Variants in NFIX observed in about 807,000 individuals in gnomAD.
NFIX encodes nuclear factor 1 X-type.
A neutral mutation model predicts 53.3 loss-of-function variants in NFIX; 2 were observed. The observed-to-expected ratio is 0.04, with a 90% CI of 0.02 to 0.12. The LOEUF (loss-of-function observed/expected upper bound fraction) is 0.12, where lower values mean the gene tolerates loss of function less well. NFIX is among the 10% of genes least tolerant of loss of function. NFIX has a pLI of 1.00. For missense variants in NFIX, 310 were observed against 674.5 expected (o/e 0.46, Z 5.99); for synonymous variants, 244 against 289.0 (o/e 0.84, Z 1.58).
rs2014812003 is a variant in NFIX at position 13,043,956 on chromosome 19, A to G, written c.559+18404A>G. 6.6e-6 allele frequency among the ~76,000 whole-genome samples: 1 copy of G among 152,122 alleles called. No individual in the cohort carries two copies. The highest frequency in any genetic ancestry group is 2.4e-5 in the African/African-American group (1 of 41,398). On this transcript the variant is annotated intron_variant, in intron 2 of 10. Coordinates refer to ENST00000592199, the MANE Select transcript of NFIX (RefSeq NM_001365902.3). This position sits in a 1 kb window ranked among gnomAD's most constrained non-coding sequence, Gnocchi z 4.0. The stretch of plus-strand genomic sequence containing the variant: ...GCCACGTAGCAAGACCCCCATCTCT[A>G]TAAAATAAAATTTAAAAAAAAAGAA...
intron 1 of NFIX, chr19:13,024,477 G>C: frequency 6.8e-7 from 1 of 1,476,928 alleles, no homozygotes; most frequent in Non-Finnish European, 9.0e-7. Flanking sequence ...GCTTGCTCGT[G>C]GATGTCATTT....
At position 13,088,485 on chromosome 19, in the gene NFIX, T is replaced by G. The variant is rs2017929772; in HGVS notation, c.1402+349T>G. On this transcript the variant is annotated intron_variant, in intron 9 of 10. Transcript: ENST00000592199. This position sits in a 1 kb window ranked among gnomAD's most constrained non-coding sequence, Gnocchi z 5.9. ...CAGCCATGCCATCTTCATGCCTGAT[T>G]GCTGTTTTTTTTTTTTTGTTTTTTG... Among the ~76,000 whole-genome samples, 1 of 150,008 alleles carries G rather than the reference T, an allele frequency of 6.7e-6. No homozygotes were observed. Among genetic ancestry groups the G allele is most frequent in the Non-Finnish European group, 1.5e-5 (1 of 67,644 alleles).
chr19:13,027,720 C>G lies in NFIX; in HGVS notation c.559+2168C>G, dbSNP rs558421734. Among the ~76,000 whole-genome samples, 24 of 152,264 alleles carry G rather than the reference C, an allele frequency of 1.6e-4. No individual in the cohort carries two copies. In the South Asian group the frequency reaches 3.9e-3, roughly 25 times the overall value. ...GTGAGGAAGCAGACCGTTTCCTGGC[C>G]AGAAGAAAGGCCCCACCATGCCTCC... On this transcript the variant is annotated intron_variant, in intron 2 of 10. Transcript: ENST00000592199. This position sits in a 1 kb window ranked among gnomAD's most constrained non-coding sequence, Gnocchi z 4.3.
intron 8 of NFIX, among the ~76,000 whole-genome samples, chr19:13,087,269 A>C (rs2017834922): frequency 6.6e-6 from 1 of 152,208 alleles, no homozygotes. Context: ...AGGACAAGGA[A>C]TGCATCCTGG....
In NFIX at chr19:13,009,144, GTC is replaced by G. The variant is rs2145149218; in HGVS notation, c.27+13283_27+13284del. On this transcript the variant is annotated intron_variant, in intron 1 of 10. Transcript: ENST00000592199. The surrounding 1 kb of genome is among the most constrained non-coding windows in gnomAD (Gnocchi z 4.7). ...CGGCACAATCTGTCGTCCACGCACA[GTC>G]TCACACACAACCTGTCACACACGCA... 6.6e-6 allele frequency among the ~76,000 whole-genome samples: 1 copy of G among 152,278 alleles called. No individual in the cohort carries two copies. Among genetic ancestry groups the G allele is most frequent in the East Asian group, 1.9e-4 (1 of 5,176 alleles).
intron 2 of NFIX, among the ~76,000 whole-genome samples, chr19:13,035,534 CAGCATGAGACACGG>C (rs1250344489): frequency 1.1e-4 from 17 of 152,174 alleles, no homozygotes; most frequent in African/African-American, 4.1e-4. Context: ...TTTGTTTCTG[CAGCATGAGACACGG>C]AGACCAGAAC....
intron 1 of NFIX, among the ~76,000 whole-genome samples, chr19:13,016,376 C>G (rs1443134928): frequency 6.6e-6 from 1 of 152,148 alleles, no homozygotes; most frequent in Admixed American, 6.5e-5. Context: ...TGCCTGAAAA[C>G]TGCCTACAGA....
At chr19:12,999,457 C>T (rs1410406961) in intron 1 of NFIX, among the ~76,000 whole-genome samples, 1 of 150,908 alleles carries the variant, frequency 6.6e-6, no homozygotes, top group African/African-American at 2.4e-5. Flanking sequence ...CAGGCATGAG[C>T]CACTGCACCC....
intron 2 of NFIX, among the ~76,000 whole-genome samples, chr19:13,038,584 A>G (rs1173794710): frequency 6.6e-6 from 1 of 152,256 alleles, no homozygotes; most frequent in Non-Finnish European, 1.5e-5. Flanking sequence ...CATGTCATTT[A>G]TAGAAGTTTC....
In NFIX at chr19:12,998,451, G is replaced by A. The variant is rs541417368; in HGVS notation, c.27+2587G>A. 1.0e-3 allele frequency among the ~76,000 whole-genome samples: 156 copies of A among 152,260 alleles called. No homozygotes were observed. Among genetic ancestry groups the A allele is most frequent in the Non-Finnish European group, 1.7e-3 (118 of 68,018 alleles). On this transcript the variant is annotated intron_variant, in intron 1 of 10. Transcript: ENST00000592199. The surrounding 1 kb of genome is among the most constrained non-coding windows in gnomAD (Gnocchi z 4.4). ...GGCGGGGAAAGGTACTGTGGGCGAGGGGGAAGGGCGGGGGGAAAAATCTCC... is the reference window on the plus strand; with the variant it reads ...GGCGGGGAAAGGTACTGTGGGCGAGAGGGAAGGGCGGGGGGAAAAATCTCC...
rs112643821 is a variant in NFIX at position 13,094,981 on chromosome 19, C to A, written c.*332C>A. ...AACTGCCTTCCTCCCCCTGACCCCG[C>A]CCCGGCCTTCTGGGGAAGGAACAAA... is the stretch of plus-strand genomic sequence containing the variant. On this transcript the variant is annotated 3_prime_UTR_variant, in exon 11 of 11. Coordinates refer to ENST00000592199, the MANE Select transcript of NFIX (RefSeq NM_001365902.3). This position sits in a 1 kb window ranked among gnomAD's most constrained non-coding sequence, Gnocchi z 4.3. The A allele has an allele frequency of 0.012, 3,738 of 303,130 alleles. 130 individuals are homozygous for A. Among genetic ancestry groups the A allele is most frequent in the African/African-American group, 0.074 (3,434 of 46,144 alleles). The allele number at this position is 303,130 out of a possible 1,614,324, so 18.8% of individuals were successfully genotyped here.
At chr19:13,071,975 G>A (rs1288186626) in intron 2 of NFIX, among the ~76,000 whole-genome samples, 3 of 152,188 alleles carry the variant, frequency 2.0e-5, no homozygotes, top group Admixed American at 1.3e-4. Flanking sequence ...GGGTGGTGGC[G>A]AGACCCAGGA....
intron 7 of NFIX, among the ~76,000 whole-genome samples, chr19:13,079,897 C>T (rs1232239723): frequency 1.3e-5 from 2 of 152,238 alleles, no homozygotes; most frequent in East Asian, 1.9e-4. Flanking sequence ...TGTGAGGACA[C>T]GTGTGTGAGT....
At chr19:13,056,966 C>T (rs146968941) in intron 2 of NFIX, among the ~76,000 whole-genome samples, 41 of 152,362 alleles carry the variant, frequency 2.7e-4, no homozygotes, top group Non-Finnish European at 5.3e-4. Flanking sequence ...CAACCTGGGA[C>T]GGTGGTCTCC....
At chr19:13,075,963 C>T (rs1183252865) in intron 6 of NFIX, among the ~76,000 whole-genome samples, 3 of 152,164 alleles carry the variant, frequency 2.0e-5, no homozygotes, top group Non-Finnish European at 4.4e-5. Flanking sequence ...GCCGCAGCCC[C>T]TCCTGGTATT....
chr19:13,091,604 G>A (rs1045520870), intron 10 of NFIX, among the ~76,000 whole-genome samples: 3 of 152,128 alleles, frequency 2.0e-5, no homozygotes, highest in African/African-American at 7.2e-5. Flanking sequence ...TGGGGGTGCT[G>A]AGAAGAAAAA....
rs940441792 is a variant in NFIX at position 13,028,634 on chromosome 19, G to T, written c.559+3082G>T. 2.6e-5 allele frequency among the ~76,000 whole-genome samples: 4 copies of T among 152,216 alleles called. No homozygotes were observed. The highest frequency in any genetic ancestry group is 9.7e-5 in the African/African-American group (4 of 41,442). On this transcript the variant is annotated intron_variant, in intron 2 of 10. Transcript: ENST00000592199. This position sits in a 1 kb window ranked among gnomAD's most constrained non-coding sequence, Gnocchi z 4.2. ...TGGCCTTCCTGCTGGGAAGGAGTCT[G>T]TCTGTGTGTCTGTCTGTGTTTAGGA...
At chr19:13,038,407 G>C (rs777633232) in intron 2 of NFIX, among the ~76,000 whole-genome samples, 1 of 152,140 alleles carries the variant, frequency 6.6e-6, no homozygotes, top group Non-Finnish European at 1.5e-5. Flanking sequence ...GCAGTCCCAG[G>C]GTGAGAACTC....
At chr19:13,015,572 T>C (rs750336267) in intron 1 of NFIX, among the ~76,000 whole-genome samples, 1 of 152,186 alleles carries the variant, frequency 6.6e-6, no homozygotes, top group Non-Finnish European at 1.5e-5. Flanking sequence ...TGCAGAGTCA[T>C]TTTCCTTCAT....
Sources: allele counts gnomAD v4.1 joint callset (sites outside exome capture counted in the v4.1 genomes callset), GRCh38; gene constraint gnomAD v4.1.1; non-coding constraint Gnocchi (gnomAD v3.1); transcripts MANE v1.5; gene names NCBI Gene and HGNC (gene_info 2026-07-23, HGNC 2026-07-21).